Variants in BTRC observed in about 807,000 individuals in gnomAD.
BTRC encodes F-box/WD repeat-containing protein 1A.
BTRC carries 42 observed loss-of-function variants against 85.5 expected under a neutral mutation model. That is an observed-to-expected ratio of 0.49 (90% CI 0.38 to 0.64). The LOEUF is 0.64. Ranked by LOEUF, BTRC falls within the 30% of genes least tolerant of loss-of-function variation. BTRC has a pLI of 0.00. For missense variants in BTRC, 594 were observed against 743.5 expected (o/e 0.80, Z 2.34); for synonymous variants, 255 against 263.3 (o/e 0.97, Z 0.30).
intron 2 of BTRC, among the ~76,000 whole-genome samples, chr10:101,438,406 CAG>C (rs1944590183): frequency 9.5e-6 from 1 of 105,802 alleles, no homozygotes; most frequent in Non-Finnish European, 1.7e-5. Flanking sequence ...GCCTGGGCGA[CAG>C]AGCGAGACTG....
intron 1 of BTRC, among the ~76,000 whole-genome samples, chr10:101,412,375 T>A (rs1414126579): frequency 6.6e-6 from 1 of 152,234 alleles, no homozygotes; most frequent in Admixed American, 6.5e-5. Flanking sequence ...AAGACTAGGA[T>A]AATTTTAAGG....
At chr10:101,497,709 G>C in intron 4 of BTRC, among the ~76,000 whole-genome samples, 1 of 151,082 alleles carries the variant, frequency 6.6e-6, no homozygotes, top group African/African-American at 2.4e-5. Context: ...CTGTCTATCA[G>C]TCAATCAACC....
chr10:101,556,322 C>CT lies in BTRC; in HGVS notation c.*3201dup, dbSNP rs2062723513. ...ACAGCTGTAGTTGGTCTACTCCTTA[C>CT]TTAGCACTTGATTGTGTGGGGAAAC... On this transcript the variant is annotated 3_prime_UTR_variant, in exon 15 of 15. Coordinates refer to ENST00000370187, the MANE Select transcript of BTRC (RefSeq NM_033637.4). 6.6e-6 allele frequency: 1 copy of CT among 152,162 alleles called. No homozygotes were observed. Among genetic ancestry groups the CT allele is most frequent in the Non-Finnish European group, 1.5e-5 (1 of 68,036 alleles). 9.4% of individuals were successfully genotyped at this position (152,162 alleles called of 1,614,324 possible).
chr10:101,510,821 C>T (rs937367497), intron 4 of BTRC, among the ~76,000 whole-genome samples: 3 of 152,144 alleles, frequency 2.0e-5, no homozygotes, highest in African/African-American at 7.2e-5. Context: ...TTGGTTTCTC[C>T]TCCTTCATCC....
At chr10:101,387,401 T>G (rs1280688071) in intron 1 of BTRC, among the ~76,000 whole-genome samples, 2 of 151,670 alleles carry the variant, frequency 1.3e-5, no homozygotes, top group Admixed American at 6.6e-5. Flanking sequence ...TACAGTGCTG[T>G]AGAACACTAG....
chr10:101,521,976 C>A, intron 5 of BTRC, 106 bp downstream of exon 5: 27 of 309,036 alleles, frequency 8.7e-5, no homozygotes, highest in East Asian at 1.1e-4. Context: ...TTGATTTTTA[C>A]AAATTAAGTT....
intron 2 of BTRC, among the ~76,000 whole-genome samples, chr10:101,444,451 C>T (rs1054331090): frequency 6.6e-6 from 1 of 152,106 alleles, no homozygotes; most frequent in Admixed American, 6.5e-5. Context: ...TGTCCTGGGA[C>T]CAGCTCTTGA....
intron 7 of BTRC, 100 bp downstream of exon 7, chr10:101,531,433 C>G (rs2062279686): frequency 1.1e-6 from 1 of 908,742 alleles, no homozygotes; most frequent in African/African-American, 1.7e-5. Context: ...GGTTTATTGA[C>G]ATGAGTTGGG....
chr10:101,535,503 A>G, intron 11 of BTRC, 31 bp downstream of exon 11: 1 of 1,402,808 alleles, frequency 7.1e-7, no homozygotes, highest in Non-Finnish European at 1.0e-6. Context: ...ATCATAAGGG[A>G]TCAATATTAT....
intron 2 of BTRC, among the ~76,000 whole-genome samples, chr10:101,432,669 A>G (rs1944431578): frequency 6.6e-6 from 1 of 152,168 alleles, no homozygotes; most frequent in Non-Finnish European, 1.5e-5. Context: ...CTTGCTAGAA[A>G]GGACTTAGAA....
At chr10:101,527,555 C>T (rs374981630) in intron 6 of BTRC, among the ~76,000 whole-genome samples, 1 of 152,074 alleles carries the variant, frequency 6.6e-6, no homozygotes, top group Admixed American at 6.6e-5. Flanking sequence ...GAGTTTGATA[C>T]CAGGCTGGGC....
At chr10:101,419,241 C>T (rs958565923) in intron 1 of BTRC, among the ~76,000 whole-genome samples, 2 of 152,084 alleles carry the variant, frequency 1.3e-5, no homozygotes, top group Non-Finnish European at 2.9e-5. Flanking sequence ...GAACTCCTGA[C>T]CTCAGGCGAT....
chr10:101,401,476 A>G (rs1424326454), intron 1 of BTRC, among the ~76,000 whole-genome samples: 4 of 152,190 alleles, frequency 2.6e-5, no homozygotes, highest in Non-Finnish European at 4.4e-5. Context: ...CTTTTTTGGT[A>G]TAGAAAACAT....
rs4151059 is a variant in BTRC at position 101,534,722 on chromosome 10, C to T, written c.1159C>T (p.Leu387=). 8.6e-4 allele frequency: 1,391 copies of T among 1,614,184 alleles called. 2 individuals are homozygous for T. The highest frequency in any genetic ancestry group is 1.1e-3 in the Admixed American group (68 of 60,032). Residue 387 remains leucine (L), a synonymous_variant, in exon 10 of 15, where the codon CTG becomes TTG. Transcript: ENST00000370187. ...GTTGATTCACCATTGTGAAGCAGTT[C>T]TGCACTTGCGTTTCAATAATGGCAT... ...NTLIHHCEAV[L]HLRFNNGMMV... is the part of the protein sequence containing the mutation.
intron 1 of BTRC, among the ~76,000 whole-genome samples, chr10:101,401,590 C>G (rs1036651871): frequency 6.6e-6 from 1 of 151,874 alleles, no homozygotes; most frequent in Admixed American, 6.6e-5. Flanking sequence ...ATTCAACAAT[C>G]TTATAGTAAA....
At chr10:101,370,410 G>A (rs1168740401) in intron 1 of BTRC, among the ~76,000 whole-genome samples, 5 of 151,912 alleles carry the variant, frequency 3.3e-5, no homozygotes, top group African/African-American at 9.7e-5. Context: ...CATCGGGCCC[G>A]CCCCTTCTTC....
intron 1 of BTRC, among the ~76,000 whole-genome samples, chr10:101,396,858 A>T (rs1943376836): frequency 6.6e-6 from 1 of 150,378 alleles, no homozygotes; most frequent in Non-Finnish European, 1.5e-5. Flanking sequence ...GCTAGAGTGC[A>T]GTGGCATGAT....
intron 4 of BTRC, among the ~76,000 whole-genome samples, chr10:101,501,133 C>T (rs904532281): frequency 6.6e-6 from 1 of 150,384 alleles, no homozygotes. Flanking sequence ...GCAGAGGTTG[C>T]AGTGAGTGGA....
intron 4 of BTRC, among the ~76,000 whole-genome samples, chr10:101,510,519 C>CAAA (rs71305543): frequency 7.1e-6 from 1 of 141,124 alleles, no homozygotes; most frequent in Non-Finnish European, 1.6e-5. Flanking sequence ...TAAAAAAAAA[C>CAAA]AAAAAAAAAA....
Sources: allele counts gnomAD v4.1 joint callset (sites outside exome capture counted in the v4.1 genomes callset), GRCh38; gene constraint gnomAD v4.1.1; transcripts MANE v1.5; gene names NCBI Gene and HGNC (gene_info 2026-07-23, HGNC 2026-07-21).